The following LRRFIP1 variants were observed in gnomAD, a reference collection of about 807,000 sequenced individuals.
The protein encoded by LRRFIP1 is LRR binding FLII interacting protein 1, also known as leucine-rich repeat flightless-interacting protein 1.
Under a neutral mutation model 104.4 loss-of-function variants are expected in LRRFIP1, and 62 were observed. The observed-to-expected ratio is 0.59, with a 90% CI of 0.48 to 0.73. LRRFIP1 has a LOEUF of 0.73. LRRFIP1 is among the 30% of genes least tolerant of loss of function. The pLI is 0.00. For missense variants in LRRFIP1, 796 were observed against 824.5 expected (o/e 0.97, Z 0.42); for synonymous variants, 300 against 299.0 (o/e 1.00, Z -0.03).
At chr2:237,725,335 T>C (rs957530526) in intron 7 of LRRFIP1, among the ~76,000 whole-genome samples, 2 of 152,214 alleles carry the variant, frequency 1.3e-5, no homozygotes, top group Non-Finnish European at 2.9e-5. Context: ...AACAAGCCTG[T>C]GTACCACTTA....
chr2:237,701,102 G>GC (rs2093496704), intron 1 of LRRFIP1, among the ~76,000 whole-genome samples: 1 of 152,208 alleles, frequency 6.6e-6, no homozygotes, highest in African/African-American at 2.4e-5. Flanking sequence ...AAATGTATGA[G>GC]CAGTGCCAGG....
intron 1 of LRRFIP1, among the ~76,000 whole-genome samples, chr2:237,651,232 T>G (rs2085885164): frequency 6.6e-6 from 1 of 152,358 alleles, no homozygotes; most frequent in Admixed American, 6.5e-5. Flanking sequence ...TTTCTTTTTC[T>G]GGGTGTCTTT....
At chr2:237,692,274 C>T in intron 1 of LRRFIP1, 3 of 1,170,264 alleles carry the variant, frequency 2.6e-6, no homozygotes, top group Non-Finnish European at 3.2e-6. Context: ...GCGCCCGAGC[C>T]CAGCGCCGCG....
intron 1 of LRRFIP1, among the ~76,000 whole-genome samples, chr2:237,686,816 G>A (rs1001985776): frequency 2.6e-5 from 4 of 152,272 alleles, no homozygotes; most frequent in South Asian, 2.1e-4. Flanking sequence ...CCAGCTGGCC[G>A]TGGGGTACCA....
At chr2:237,639,040 G>A (rs1307523201) in intron 1 of LRRFIP1, among the ~76,000 whole-genome samples, 2 of 152,238 alleles carry the variant, frequency 1.3e-5, no homozygotes, top group African/African-American at 4.8e-5. Context: ...ATCGTGTGGG[G>A]CAGTCATGGT....
intron 11 of LRRFIP1, among the ~76,000 whole-genome samples, chr2:237,743,493 G>C (rs978532648): frequency 6.6e-6 from 1 of 152,192 alleles, no homozygotes; most frequent in Non-Finnish European, 1.5e-5. Context: ...TCTCAAGACA[G>C]GCATAGAATA....
At chr2:237,764,297 G>C (rs1232535373) in intron 19 of LRRFIP1, 25 of 1,537,398 alleles carry the variant, frequency 1.6e-5, no homozygotes, top group Non-Finnish European at 2.2e-5. Context: ...ACTGTTACTT[G>C]TAGATTTCCA....
At chr2:237,715,218 A>G (rs2094281205) in intron 3 of LRRFIP1, among the ~76,000 whole-genome samples, 1 of 152,268 alleles carries the variant, frequency 6.6e-6, no homozygotes, top group East Asian at 1.9e-4. Context: ...TGCTGTCCCG[A>G]AGAGTGCAAA....
At position 237,703,938 on chromosome 2, in the gene LRRFIP1, C is replaced by T. The variant is rs970849871; in HGVS notation, c.97-4606C>T. On this transcript the variant is annotated intron_variant, in intron 1 of 23. Coordinates refer to ENST00000308482, the MANE Select transcript of LRRFIP1 (RefSeq NM_001137550.2). This position sits in a 1 kb window ranked among gnomAD's most constrained non-coding sequence, Gnocchi z 4.3. Reference sequence around the variant, plus strand: ...GCAGTCTGACGTGGCTGTGGCCCGTCATGAGATTTTATATTTTACAAAAGT... The same window carrying T: ...GCAGTCTGACGTGGCTGTGGCCCGTTATGAGATTTTATATTTTACAAAAGT... 6.6e-6 allele frequency among the ~76,000 whole-genome samples: 1 copy of T among 152,080 alleles called. No individual in the cohort carries two copies. The highest frequency in any genetic ancestry group is 2.4e-5 in the African/African-American group (1 of 41,398).
intron 1 of LRRFIP1, among the ~76,000 whole-genome samples, chr2:237,676,764 A>T (rs2091211850): frequency 1.3e-5 from 2 of 152,166 alleles, no homozygotes; most frequent in African/African-American, 4.8e-5. Flanking sequence ...CAGCCTCCCA[A>T]AGTGCTGGGA....
At chr2:237,714,315 T>G in intron 3 of LRRFIP1, 39 bp downstream of exon 3, 1 of 1,558,042 alleles carries the variant, frequency 6.4e-7, no homozygotes, top group Non-Finnish European at 8.8e-7. Context: ...TTGCATGTAC[T>G]GTTTTTTCCT....
intron 16 of LRRFIP1, among the ~76,000 whole-genome samples, chr2:237,756,958 T>C (rs2059335996): frequency 6.6e-6 from 1 of 151,582 alleles, no homozygotes; most frequent in South Asian, 2.1e-4. Flanking sequence ...AAGCTGAGGT[T>C]GGAGCGATGC....
intron 1 of LRRFIP1, among the ~76,000 whole-genome samples, chr2:237,687,246 T>C (rs2092437199): frequency 1.3e-5 from 2 of 152,214 alleles, no homozygotes; most frequent in Admixed American, 1.3e-4. Context: ...AGGTGCTGTG[T>C]AAATTTCAAG....
At chr2:237,702,755 G>A (rs1267224376) in intron 1 of LRRFIP1, among the ~76,000 whole-genome samples, 3 of 152,074 alleles carry the variant, frequency 2.0e-5, no homozygotes, top group East Asian at 1.9e-4. Context: ...TATCTTGAAC[G>A]ACTCCACATA....
rs751260785 is a variant in LRRFIP1, at chr2:237,763,999, A to G, written c.1459+3794A>G. 3.1e-6 allele frequency: 5 copies of G among 1,614,216 alleles called. No homozygotes were observed. The Admixed American group carries it at 6.7e-5, about 22-fold the overall frequency. ...AACATCCAAGTCAGACCGTCAGGAA[A>G]GCTTTAGACAGCAATAGCCTAGAGA... On this transcript the variant is annotated intron_variant, in intron 19 of 23. Transcript: ENST00000308482.
At chr2:237,772,231 T>C in intron 21 of LRRFIP1, 33 bp downstream of exon 21, 2 of 1,521,168 alleles carry the variant, frequency 1.3e-6, no homozygotes, top group East Asian at 4.5e-5. Context: ...AAGTAAATGC[T>C]TTCACATGTG....
chr2:237,715,825 A>G (rs2094311797), intron 3 of LRRFIP1, among the ~76,000 whole-genome samples: 1 of 152,306 alleles, frequency 6.6e-6, no homozygotes, highest in Admixed American at 6.5e-5. Context: ...CCCTTCCTGG[A>G]CTTTGCTGTG....
chr2:237,761,890 G>A (rs561516391), intron 19 of LRRFIP1, among the ~76,000 whole-genome samples: 17 of 152,292 alleles, frequency 1.1e-4, no homozygotes, highest in African/African-American at 3.6e-4. Context: ...TTCTTTAGAC[G>A]ATGAATAATT....
Position 237,652,984 on chromosome 2 carries a change from G to A in LRRFIP1, c.96+25244G>A, listed in dbSNP as rs578256951. On this transcript the variant is annotated intron_variant, in intron 1 of 23. Transcript: ENST00000308482. ...TGTTCTTGTGATAGTGAGTTCTCCCGAGATCTGGTTGTTTAAAAGTGTGTA... is the reference window on the plus strand; with the variant it reads ...TGTTCTTGTGATAGTGAGTTCTCCCAAGATCTGGTTGTTTAAAAGTGTGTA... 6.6e-5 allele frequency among the ~76,000 whole-genome samples: 10 copies of A among 152,244 alleles called. No homozygotes were observed. The South Asian group carries it at 1.9e-3, about 28-fold the overall frequency.
Sources: gnomAD v4.1 joint callset for allele counts (sites outside exome capture counted in the v4.1 genomes callset) on GRCh38, gnomAD v4.1.1 for gene constraint, Gnocchi (gnomAD v3.1) non-coding constraint, MANE v1.5 for transcripts, NCBI Gene and HGNC (gene_info 2026-07-23, HGNC 2026-07-21) for gene names.